Variants in OSBP2 observed in about 807,000 individuals in gnomAD.
OSBP2 encodes the protein oxysterol binding protein 2, also known as oxysterol-binding protein 2.
A neutral mutation model predicts 96.0 loss-of-function variants in OSBP2; 66 were observed. That is an observed-to-expected ratio of 0.69 (90% CI 0.56 to 0.84). The LOEUF (loss-of-function observed/expected upper bound fraction) is 0.84, where lower values mean the gene tolerates loss of function less well. OSBP2 is among the 40% of genes least tolerant of loss of function. OSBP2 has a pLI of 0.00. For synonymous variants in OSBP2, 525 were observed against 520.9 expected, an observed-to-expected ratio of 1.01 and a Z score of -0.11; for missense variants, 1,038 against 1,222.7, an observed-to-expected ratio of 0.85 and a Z score of 2.25.
rs990968640 is a variant in OSBP2, at chr22:30,822,789, G to A, written c.854-47640G>A. 19 of 1,305,224 alleles carry A rather than the reference G, an allele frequency of 1.5e-5. No individual in the cohort carries two copies. The South Asian group carries it at 2.6e-4, about 18-fold the overall frequency. The allele number at this position is 1,305,224 out of a possible 1,614,324, so 80.9% of individuals were successfully genotyped here. On this transcript the variant is annotated intron_variant, in intron 2 of 13. Transcript: ENST00000332585. ...CGCCCGGTGCCTGGCTTTGCTGCGTGATCGATCCACGGGAGCCTCTGATGT... is the reference window on the plus strand; with the variant it reads ...CGCCCGGTGCCTGGCTTTGCTGCGTAATCGATCCACGGGAGCCTCTGATGT...
rs549748880 is a variant in OSBP2, at chr22:30,766,852, G to A, written c.853+25483G>A. The stretch of plus-strand genomic sequence containing the variant: ...CTGGGAAATGAGGTTTTGGGGGATT[G>A]TGATAAAATAGAGGACAGGACTCTG... On this transcript the variant is annotated intron_variant, in intron 2 of 13. Coordinates refer to ENST00000332585, the MANE Select transcript of OSBP2 (RefSeq NM_030758.4). Among the ~76,000 whole-genome samples the A allele has an allele frequency of 3.9e-5, 6 of 152,226 alleles. No individual in the cohort carries two copies. The South Asian group carries it at 1.0e-3, about 26-fold the overall frequency.
At chr22:30,843,440 TC>T (rs2038796622) in intron 2 of OSBP2, among the ~76,000 whole-genome samples, 1 of 108,606 alleles carries the variant, frequency 9.2e-6, no homozygotes, top group Admixed American at 8.1e-5. Context: ...TTTTCAGGAA[TC>T]TTTCCCCCCT....
At chr22:30,885,125 CTG>C (rs2039782813) in intron 3 of OSBP2, among the ~76,000 whole-genome samples, 2 of 152,194 alleles carry the variant, frequency 1.3e-5, no homozygotes, top group African/African-American at 4.8e-5. Context: ...TGCCTTGTCC[CTG>C]TGTCACAGGT....
At chr22:30,832,238 G>A (rs768848683) in intron 2 of OSBP2, among the ~76,000 whole-genome samples, 7 of 151,736 alleles carry the variant, frequency 4.6e-5, no homozygotes, top group Non-Finnish European at 5.9e-5. Context: ...ATTGATTTCT[G>A]TATATATATG....
At chr22:30,728,099 T>C (rs1030593041) in intron 1 of OSBP2, among the ~76,000 whole-genome samples, 1 of 138,830 alleles carries the variant, frequency 7.2e-6, no homozygotes, top group Admixed American at 7.6e-5. Context: ...AGAGACTGTC[T>C]CAAAGAAAAA....
chr22:30,844,195 G>A (rs1011102382), intron 2 of OSBP2, among the ~76,000 whole-genome samples: 3 of 152,126 alleles, frequency 2.0e-5, no homozygotes, highest in Non-Finnish European at 4.4e-5. Flanking sequence ...TAATTCTTAA[G>A]GGCCCTAGGG....
intron 12 of OSBP2, among the ~76,000 whole-genome samples, chr22:30,899,815 A>G (rs1015494783): frequency 3.9e-5 from 6 of 152,254 alleles, no homozygotes; most frequent in African/African-American, 1.4e-4. Context: ...TCCTGGGTAT[A>G]TAGAATGATT....
intron 1 of OSBP2, among the ~76,000 whole-genome samples, chr22:30,730,811 T>TTA (rs1555908809): frequency 2.9e-5 from 2 of 69,556 alleles, no homozygotes; most frequent in Admixed American, 1.8e-4. Context: ...TATATATAAT[T>TTA]TTTTTTTTTT....
At chr22:30,834,036 C>G (rs950591853) in intron 2 of OSBP2, among the ~76,000 whole-genome samples, 1 of 151,810 alleles carries the variant, frequency 6.6e-6, no homozygotes, top group African/African-American at 2.4e-5. Flanking sequence ...CCATACATCC[C>G]TCTCTTTAAC....
At chr22:30,830,752 T>C (rs761752340) in intron 2 of OSBP2, among the ~76,000 whole-genome samples, 12 of 152,256 alleles carry the variant, frequency 7.9e-5, no homozygotes, top group Non-Finnish European at 1.5e-4. Flanking sequence ...ATTTACTGTT[T>C]AGACAACAAT....
intron 3 of OSBP2, among the ~76,000 whole-genome samples, chr22:30,880,809 G>C (rs1232126903): frequency 6.6e-6 from 1 of 152,200 alleles, no homozygotes; most frequent in Non-Finnish European, 1.5e-5. Context: ...CTGGGCAAAG[G>C]TTTCCAGGTC....
intron 2 of OSBP2, among the ~76,000 whole-genome samples, chr22:30,844,254 GCATTGTCCCCTAAGAAGAGCCAA>G (rs2038821291): frequency 6.6e-6 from 1 of 152,096 alleles, no homozygotes; most frequent in Admixed American, 6.6e-5. Flanking sequence ...GTCACCAGCC[GCATTGTCCCCTAAGAAGAGCCAA>G]CCTGTCCTTT....
intron 8 of OSBP2, 148 bp downstream of exon 8, chr22:30,891,121 GGA>G: frequency 2.0e-6 from 2 of 984,384 alleles, no homozygotes; most frequent in Non-Finnish European, 2.9e-6. Context: ...GTCCAGCCAG[GGA>G]GCAGGGCCTT....
intron 2 of OSBP2, among the ~76,000 whole-genome samples, chr22:30,844,020 G>A (rs1263039112): frequency 2.6e-5 from 4 of 152,014 alleles, no homozygotes; most frequent in African/African-American, 7.2e-5. Context: ...GACCACAGGT[G>A]TACACCAACA....
chr22:30,737,957 C>G (rs2089880797), intron 1 of OSBP2, among the ~76,000 whole-genome samples: 1 of 152,106 alleles, frequency 6.6e-6, no homozygotes, highest in Admixed American at 6.6e-5. Flanking sequence ...CGTGATCCAC[C>G]CGGCTCGGCC....
intron 1 of OSBP2, among the ~76,000 whole-genome samples, chr22:30,734,479 A>G (rs2089822925): frequency 6.6e-6 from 1 of 152,182 alleles, no homozygotes; most frequent in Non-Finnish European, 1.5e-5. Flanking sequence ...TAACTTTGCC[A>G]CTGTCTGGAC....
chr22:30,845,589 G>A (rs2038851312), intron 2 of OSBP2, among the ~76,000 whole-genome samples: 1 of 151,354 alleles, frequency 6.6e-6, no homozygotes, highest in African/African-American at 2.4e-5. Context: ...AAAAAAAAGT[G>A]GGGGTGGGGG....
chr22:30,880,246 G>A (rs2039672291), intron 3 of OSBP2, among the ~76,000 whole-genome samples: 1 of 152,210 alleles, frequency 6.6e-6, no homozygotes, highest in Non-Finnish European at 1.5e-5. Context: ...GTGAGGATCA[G>A]CGTGGAGGGT....
chr22:30,719,626 C>T (rs531165731), intron 1 of OSBP2, among the ~76,000 whole-genome samples: 2 of 151,536 alleles, frequency 1.3e-5, no homozygotes, highest in African/African-American at 2.4e-5. Flanking sequence ...TGGTGGCGCA[C>T]CCCGGTAATC....
Sources: gnomAD v4.1 joint callset for allele counts (sites outside exome capture counted in the v4.1 genomes callset) on GRCh38, gnomAD v4.1.1 for gene constraint, MANE v1.5 for transcripts, NCBI Gene and HGNC (gene_info 2026-07-23, HGNC 2026-07-21) for gene names.